The following RHOU variants were observed in gnomAD, a reference collection of about 807,000 sequenced individuals.
RHOU encodes the protein rho-related GTP-binding protein RhoU.
Under a neutral mutation model 12.6 loss-of-function variants are expected in RHOU, and 8 were observed. That is an observed-to-expected ratio of 0.64 (90% confidence interval 0.37 to 1.15). The LOEUF is 1.15. Ranked by LOEUF, RHOU falls within the 50% of genes most tolerant of loss-of-function variation. The pLI, the probability that RHOU is intolerant of heterozygous loss-of-function variation, is 0.01. For synonymous variants in RHOU, 161 were observed against 147.4 expected (o/e 1.09, Z -0.67); for missense variants, 258 against 347.0 (o/e 0.74, Z 2.04).
chr1:228,722,315 G>T, the RHOU span, among the ~76,000 whole-genome samples: 1 of 152,098 alleles, frequency 6.6e-6, no homozygotes, highest in Admixed American at 6.6e-5. Context: ...TTTAACAAGG[G>T]AGTCCTCAGA....
the RHOU span, among the ~76,000 whole-genome samples, chr1:228,706,060 A>G: frequency 6.6e-6 from 1 of 152,116 alleles, no homozygotes; most frequent in South Asian, 2.1e-4. Flanking sequence ...AACAAAAAAA[A>G]AGAAATTTTT....
At position 228,737,399 on chromosome 1, in the gene RHOU, G is replaced by A. The variant is rs964612292; in HGVS notation, c.263-274G>A. Among the ~76,000 whole-genome samples, 1 of 152,096 alleles carries A rather than the reference G, an allele frequency of 6.6e-6. No individual in the cohort carries two copies. The highest frequency in any genetic ancestry group is 2.4e-5 in the African/African-American group (1 of 41,394). On this transcript the variant is annotated intron_variant, in intron 1 of 2. Coordinates refer to ENST00000366691, the MANE Select transcript of RHOU (RefSeq NM_021205.6). The surrounding 1 kb of genome is among the most constrained non-coding windows in gnomAD (Gnocchi z 4.1). ...CAGGAAAATAAATCTTCCAGGACTG[G>A]GAGAAAAGCATAGGCCTTTTTAGGG... is the stretch of plus-strand genomic sequence containing the variant.
the RHOU span, among the ~76,000 whole-genome samples, chr1:228,703,831 T>C: frequency 6.6e-6 from 1 of 152,162 alleles, no homozygotes; most frequent in South Asian, 2.1e-4. Context: ...AAATAAATCT[T>C]AGGACCCCAA....
chr1:228,646,957 A>C, the RHOU span, among the ~76,000 whole-genome samples: 1 of 152,094 alleles, frequency 6.6e-6, no homozygotes, highest in African/African-American at 2.4e-5. Flanking sequence ...TAAGAGGGAC[A>C]GAGAAAGGGA....
chr1:228,709,740 A>G, the RHOU span, among the ~76,000 whole-genome samples: 2 of 151,474 alleles, frequency 1.3e-5, no homozygotes, highest in Non-Finnish European at 2.9e-5. Flanking sequence ...TAACATCACA[A>G]TTAAAAGAAC....
At chr1:228,667,253 A>C in the RHOU span, among the ~76,000 whole-genome samples, 2 of 152,240 alleles carry the variant, frequency 1.3e-5, no homozygotes, top group Non-Finnish European at 2.9e-5. Flanking sequence ...CAAGTGGTTA[A>C]ATAACAGAAG....
At chr1:228,696,287 A>T in the RHOU span, among the ~76,000 whole-genome samples, 1 of 150,482 alleles carries the variant, frequency 6.6e-6, no homozygotes, top group Non-Finnish European at 1.5e-5. Context: ...AGGCTGCTTT[A>T]CATCCAAGGA....
the RHOU span, among the ~76,000 whole-genome samples, chr1:228,691,781 A>G: frequency 6.6e-6 from 1 of 152,240 alleles, no homozygotes; most frequent in Non-Finnish European, 1.5e-5. Flanking sequence ...GTATCTAAGA[A>G]CAGTGGGTAA....
the RHOU span, among the ~76,000 whole-genome samples, chr1:228,693,499 C>A: frequency 1.3e-5 from 2 of 152,144 alleles, no homozygotes; most frequent in Non-Finnish European, 2.9e-5. Flanking sequence ...CAGAGTCTCC[C>A]GCTATTGCCT....
At chr1:228,706,232 A>G in the RHOU span, among the ~76,000 whole-genome samples, 1 of 152,112 alleles carries the variant, frequency 6.6e-6, no homozygotes, top group Non-Finnish European at 1.5e-5. Flanking sequence ...TGGAGCCTCT[A>G]CTTCAGATTC....
the RHOU span, among the ~76,000 whole-genome samples, chr1:228,694,932 A>G: frequency 6.6e-6 from 1 of 152,306 alleles, no homozygotes; most frequent in African/African-American, 2.4e-5. Context: ...TCATGTATAG[A>G]AACAATAGGA....
the RHOU span, among the ~76,000 whole-genome samples, chr1:228,721,163 G>A: frequency 0.17 from 25,578 of 152,066 alleles, 2,822 homozygotes; most frequent in African/African-American, 0.31. Context: ...TTAGCCTGGC[G>A]TGGTGGCAGG....
the RHOU span, among the ~76,000 whole-genome samples, chr1:228,670,293 T>C: frequency 6.6e-6 from 1 of 152,210 alleles, no homozygotes; most frequent in Non-Finnish European, 1.5e-5. Context: ...CAGATAATCA[T>C]TAAGGCCACC....
chr1:228,680,111 T>C, the RHOU span, among the ~76,000 whole-genome samples: 1 of 151,664 alleles, frequency 6.6e-6, no homozygotes, highest in Non-Finnish European at 1.5e-5. Context: ...TAATGTGGAG[T>C]GGGTTGCCTC....
At chr1:228,673,477 T>C in the RHOU span, among the ~76,000 whole-genome samples, 3 of 152,258 alleles carry the variant, frequency 2.0e-5, no homozygotes, top group Admixed American at 6.5e-5. Context: ...TCAAATCTCA[T>C]GTTAAATTGT....
At position 228,737,192 on chromosome 1, in the gene RHOU, G is replaced by A. The variant is rs1662628914; in HGVS notation, c.263-481G>A. On this transcript the variant is annotated intron_variant, in intron 1 of 2. Coordinates refer to ENST00000366691, the MANE Select transcript of RHOU (RefSeq NM_021205.6). The surrounding 1 kb of genome is among the most constrained non-coding windows in gnomAD (Gnocchi z 4.1). ...CCTCATTTCTTAAACAGGACAATGC[G>A]GGCAGCCTGTGTTTGCACATGTTCT... Among the ~76,000 whole-genome samples, 1 of 152,184 alleles carries A rather than the reference G, an allele frequency of 6.6e-6. No individual in the cohort carries two copies. Among genetic ancestry groups the A allele is most frequent in the Non-Finnish European group, 1.5e-5 (1 of 68,004 alleles).
the RHOU span, among the ~76,000 whole-genome samples, chr1:228,684,628 A>G: frequency 1.1e-4 from 16 of 152,302 alleles, no homozygotes; most frequent in Middle Eastern, 3.4e-3. Flanking sequence ...CCCTGCTGAC[A>G]TAACTGTTAA....
At chr1:228,736,034 G>A (rs1662602238) in intron 1 of RHOU, 30 bp downstream of exon 1, 1 of 1,563,334 alleles carries the variant, frequency 6.4e-7, no homozygotes, top group Non-Finnish European at 8.6e-7. Flanking sequence ...GGGGCCGGGG[G>A]CGCGTGGCCG....
the RHOU span, among the ~76,000 whole-genome samples, chr1:228,686,272 T>C: frequency 1.3e-5 from 2 of 152,174 alleles, no homozygotes; most frequent in Non-Finnish European, 2.9e-5. Flanking sequence ...ATTAGTACTT[T>C]GTAGTTACTC....
Sources: gnomAD v4.1 joint callset for allele counts (sites outside exome capture counted in the v4.1 genomes callset) on GRCh38, gnomAD v4.1.1 for gene constraint, Gnocchi (gnomAD v3.1) non-coding constraint, MANE v1.5 for transcripts, NCBI Gene and HGNC (gene_info 2026-07-23, HGNC 2026-07-21) for gene names.